Variants in MCF2 observed in about 807,000 individuals in gnomAD.
MCF2 encodes MCF.2 cell line derived transforming sequence, also known as proto-oncogene DBL.
MCF2 carries 44 observed loss-of-function variants against 82.5 expected under a neutral mutation model. The observed-to-expected ratio is 0.53, with a 90% CI of 0.42 to 0.69. The LOEUF (loss-of-function observed/expected upper bound fraction) is 0.69, where lower values mean the gene tolerates loss of function less well. Ranked by LOEUF, MCF2 falls within the 30% of genes least tolerant of loss-of-function variation. The pLI, the probability that MCF2 is intolerant of heterozygous loss-of-function variation, is 0.00. For synonymous variants in MCF2, 217 were observed against 224.9 expected (o/e 0.96, Z 0.32); for missense variants, 623 against 663.1 (o/e 0.94, Z 0.66).
intron 15 of MCF2, among the ~76,000 whole-genome samples, chrX:139,603,332 T>G (rs1391803295): frequency 8.9e-6 from 1 of 112,195 alleles, no homozygotes; most frequent in South Asian, 3.7e-4. Flanking sequence ...GATACAACAA[T>G]ATATAGGATA....
exon 2 of MCF2, chrX:139,651,753 G>A (rs1182028017): frequency 1.7e-6 from 2 of 1,160,587 alleles, no homozygotes; most frequent in Non-Finnish European, 2.3e-6. Flanking sequence ...ATTAAGAAAT[G>A]ACTGATGTCC....
chrX:139,702,898 G>T (rs960402098), intron 1 of MCF2, among the ~76,000 whole-genome samples: 2 of 112,210 alleles, frequency 1.8e-5, no homozygotes, highest in Admixed American at 9.4e-5. Context: ...AAGGCTGCCA[G>T]ATAAGTCTTT....
chrX:139,676,403 G>GT (rs1393049153), intron 1 of MCF2, among the ~76,000 whole-genome samples: 1 of 112,072 alleles, frequency 8.9e-6, no homozygotes, highest in Non-Finnish European at 1.9e-5. Context: ...CATATTTTGT[G>GT]TTGATCACAC....
At chrX:139,653,216 C>G (rs1008770038) in intron 1 of MCF2, among the ~76,000 whole-genome samples, 2 of 111,663 alleles carry the variant, frequency 1.8e-5, no homozygotes, top group Non-Finnish European at 3.8e-5. Context: ...AGGCATGGAG[C>G]CATGGAAGAA....
At chrX:139,645,915 G>A (rs1358576408), upstream of MCF2, among the ~76,000 whole-genome samples, 1 of 111,239 alleles carries the variant, frequency 9.0e-6, no homozygotes, top group African/African-American at 3.3e-5. Flanking sequence ...ATGAAGATAG[G>A]TCACTAAAAT....
intron 1 of MCF2, among the ~76,000 whole-genome samples, chrX:139,682,011 C>G (rs1388209031): frequency 9.0e-6 from 1 of 111,395 alleles, no homozygotes; most frequent in Non-Finnish European, 1.9e-5. Context: ...ATAAAAGATA[C>G]TTCCCTACCA....
At chrX:139,650,269 A>G (rs933695483) in intron 2 of MCF2, among the ~76,000 whole-genome samples, 7 of 111,669 alleles carry the variant, frequency 6.3e-5, no homozygotes, top group African/African-American at 2.3e-4. Flanking sequence ...TGGAAGGATC[A>G]CTTGAACCAA....
At chrX:139,654,685 T>C (rs1467026017) in intron 1 of MCF2, among the ~76,000 whole-genome samples, 1 of 111,852 alleles carries the variant, frequency 8.9e-6, no homozygotes, top group Non-Finnish European at 1.9e-5. Flanking sequence ...TGGTTGCCTA[T>C]GCTTTTGAGG....
rs185001593 is a variant in MCF2 at position 139,671,033 on chromosome X, T to C, written c.-44-19245A>G. On this transcript the variant is annotated intron_variant, in intron 1 of 27. Coordinates refer to the MCF2 transcript ENST00000414978. ...ATGGGTGTGAGATGGTATCTCATTG[T>C]GGTTTTGATTTGCATTTCTCTGATG... 2.5e-3 allele frequency among the ~76,000 whole-genome samples: 285 copies of C among 112,041 alleles called. 1 individual carries two copies. Among genetic ancestry groups the C allele is most frequent in the African/African-American group, 8.3e-3 (257 of 30,807 alleles).
chrX:139,644,051 C>T (rs1010291464), upstream of MCF2, among the ~76,000 whole-genome samples: 4 of 111,725 alleles, frequency 3.6e-5, no homozygotes, highest in African/African-American at 6.5e-5. Flanking sequence ...CCTAAAAGAC[C>T]GGAGCAAGGG....
chrX:139,667,736 C>G (rs1603304265), intron 1 of MCF2, among the ~76,000 whole-genome samples: 1 of 111,588 alleles, frequency 9.0e-6, no homozygotes, highest in Non-Finnish European at 1.9e-5. Context: ...GTGGTAGCAG[C>G]CATGCTAAGG....
At chrX:139,660,799 C>T (rs754160278) in intron 1 of MCF2, among the ~76,000 whole-genome samples, 1 of 112,090 alleles carries the variant, frequency 8.9e-6, no homozygotes, top group South Asian at 3.7e-4. Flanking sequence ...CTAACACCTA[C>T]TGGAGCCGCC....
intron 1 of MCF2, among the ~76,000 whole-genome samples, chrX:139,660,498 A>G (rs1934327616): frequency 8.9e-6 from 1 of 112,309 alleles, no homozygotes; most frequent in Non-Finnish European, 1.9e-5. Context: ...ATGGGATTCT[A>G]TGTGTGTATT....
At chrX:139,667,971 C>T (rs1192737974) in intron 1 of MCF2, among the ~76,000 whole-genome samples, 1 of 112,088 alleles carries the variant, frequency 8.9e-6, no homozygotes, top group African/African-American at 3.2e-5. Context: ...ACCTGAGCAA[C>T]ATAGTGGTAG....
At chrX:139,630,523 T>A in intron 3 of MCF2, among the ~76,000 whole-genome samples, 1 of 112,427 alleles carries the variant, frequency 8.9e-6, no homozygotes, top group Non-Finnish European at 1.9e-5. Flanking sequence ...TCAAAATATT[T>A]GCTTGTTTAT....
At chrX:139,667,173 C>G (rs1934545154) in intron 1 of MCF2, among the ~76,000 whole-genome samples, 1 of 102,839 alleles carries the variant, frequency 9.7e-6, no homozygotes, top group Admixed American at 1.1e-4. Flanking sequence ...CACTGAGCTT[C>G]TTTAAAATCA....
chrX:139,646,165 G>GT (rs1296313443), upstream of MCF2, among the ~76,000 whole-genome samples: 2 of 111,458 alleles, frequency 1.8e-5, no homozygotes, highest in Admixed American at 9.5e-5. Flanking sequence ...TAGGTACATT[G>GT]TAAGTTTCAT....
At chrX:139,667,591 G>A (rs761585449) in intron 1 of MCF2, among the ~76,000 whole-genome samples, 1 of 112,117 alleles carries the variant, frequency 8.9e-6, no homozygotes, top group African/African-American at 3.2e-5. Flanking sequence ...CATCCCTCAT[G>A]ATTCCAGGCT....
At chrX:139,672,011 C>T (rs1338487122) in intron 1 of MCF2, among the ~76,000 whole-genome samples, 1 of 111,300 alleles carries the variant, frequency 9.0e-6, no homozygotes, top group Non-Finnish European at 1.9e-5. Context: ...TTGTAGTTCT[C>T]CTTGAAGAGG....
Sources: gnomAD v4.1 joint callset for allele counts (sites outside exome capture counted in the v4.1 genomes callset) on GRCh38, gnomAD v4.1.1 for gene constraint, MANE v1.5 for transcripts, NCBI Gene and HGNC (gene_info 2026-07-23, HGNC 2026-07-21) for gene names.